The following CD99L2 variants were observed in gnomAD, a reference collection of about 807,000 sequenced individuals.
The protein encoded by CD99L2 is CD99 antigen-like protein 2.
In CD99L2, 24 loss-of-function variants were observed where a neutral mutation model predicts 27.3. The observed-to-expected ratio is 0.88, with a 90% CI of 0.64 to 1.24. The LOEUF is 1.24. CD99L2 is among the 50% of genes most tolerant of loss of function. The probability of loss-of-function intolerance (pLI) is 0.00; values close to 1 mark genes in which losing one functional copy is unlikely to be tolerated. For missense variants in CD99L2, 255 were observed against 221.6 expected (o/e 1.15, Z -0.96); for synonymous variants, 97 against 87.9 (o/e 1.10, Z -0.58).
chrX:150,768,928 C>G lies in CD99L2; in HGVS notation c.*106G>C. On this transcript the variant is annotated 3_prime_UTR_variant, in exon 11 of 11. Transcript: ENST00000370377. ...CGGGAAACTCAGACCAACAAGGAGC[C>G]GATGGCACAGAGCAGCACAGCAGCT... 2.8e-6 allele frequency: 3 copies of G among 1,071,878 alleles called. No individual in the cohort carries two copies. Among genetic ancestry groups the G allele is most frequent in the Non-Finnish European group, 3.6e-6 (3 of 836,715 alleles). The allele number at this position is 1,071,878 out of a possible 1,213,427, so 88.3% of individuals were successfully genotyped here. A position where few individuals can be genotyped will look rare whatever the true frequency, so the allele number is the denominator to read the frequency against.
intron 1 of CD99L2, among the ~76,000 whole-genome samples, chrX:150,875,796 C>T (rs1264605093): frequency 9.3e-6 from 1 of 106,993 alleles, no homozygotes; most frequent in East Asian, 2.8e-4. Context: ...AAAGAGTTTC[C>T]CTGCACAAGC....
At chrX:150,829,522 T>C (rs782158280) in intron 2 of CD99L2, 39 of 328,463 alleles carry the variant, frequency 1.2e-4, no homozygotes, top group South Asian at 9.7e-4. Flanking sequence ...CACCTTGATA[T>C]AGAACTTCTA....
intron 4 of CD99L2, among the ~76,000 whole-genome samples, chrX:150,809,531 T>A (rs2046043840): frequency 8.9e-6 from 1 of 112,523 alleles, no homozygotes; most frequent in Non-Finnish European, 1.9e-5. Flanking sequence ...GTGGTGATAT[T>A]AGCAAACATG....
At chrX:150,866,452 G>A (rs947540536) in intron 1 of CD99L2, among the ~76,000 whole-genome samples, 4 of 111,708 alleles carry the variant, frequency 3.6e-5, no homozygotes, top group Middle Eastern at 4.6e-3. Context: ...GTACAAAAAC[G>A]CTGGGTGCAG....
intron 7 of CD99L2, among the ~76,000 whole-genome samples, chrX:150,787,209 C>T (rs1392025527): frequency 3.6e-5 from 4 of 111,833 alleles, no homozygotes; most frequent in Non-Finnish European, 7.5e-5. Context: ...TGCAGAAGCT[C>T]TTTAGTTTGA....
intron 4 of CD99L2, among the ~76,000 whole-genome samples, chrX:150,806,318 C>T (rs1450803217): frequency 6.3e-5 from 7 of 111,984 alleles, no homozygotes; most frequent in Non-Finnish European, 1.3e-4. Flanking sequence ...TGCAGTGGCA[C>T]GATCATAGCT....
In CD99L2 at chrX:150,824,304, A is replaced by AGAG. The variant is rs782400184; in HGVS notation, c.130+6924_130+6926dup. Reference sequence around the variant, plus strand: ...GGAGGAGAAAGGAAGAAGAAGAAGAAGAGGAGGAGGAGGAGGAGGAGGAGA... The same window carrying AGAG: ...GGAGGAGAAAGGAAGAAGAAGAAGAAGAGGAGGAGGAGGAGGAGGAGGAGGAGA... On this transcript the variant is annotated intron_variant, in intron 2 of 10. Transcript: ENST00000370377. Among the ~76,000 whole-genome samples the AGAG allele has an allele frequency of 9.8e-4, 61 of 62,554 alleles. 2 individuals carry two copies. Among genetic ancestry groups the AGAG allele is most frequent in the East Asian group, 2.7e-3 (5 of 1,874 alleles). The allele number at this position is 62,554 out of a possible 115,157, so 54.3% of individuals were successfully genotyped here.
At chrX:150,898,297 G>C (rs2047650020) in intron 1 of CD99L2, among the ~76,000 whole-genome samples, 1 of 112,167 alleles carries the variant, frequency 8.9e-6, no homozygotes. Flanking sequence ...CCCAGCGTCA[G>C]GAGGGGACCC....
At chrX:150,769,142 C>A in intron 10 of CD99L2, 41 bp from the exon 11 acceptor site, 1 of 1,140,463 alleles carries the variant, frequency 8.8e-7, no homozygotes, top group Non-Finnish European at 1.2e-6. Flanking sequence ...TCTGCTCTGT[C>A]TTGCACAGAA....
chrX:150,825,474 C>T (rs1346008701), intron 2 of CD99L2, among the ~76,000 whole-genome samples: 4 of 112,051 alleles, frequency 3.6e-5, no homozygotes, highest in Admixed American at 2.9e-4. Context: ...GTTCTGGAAA[C>T]GTCTCGTTTC....
At chrX:150,860,149 A>G (rs1557421869) in intron 1 of CD99L2, among the ~76,000 whole-genome samples, 1 of 112,454 alleles carries the variant, frequency 8.9e-6, no homozygotes, top group Non-Finnish European at 1.9e-5. Context: ...TGGAATTTAT[A>G]CCAGGGACAC....
chrX:150,770,041 C>T (rs370628940), intron 10 of CD99L2, among the ~76,000 whole-genome samples: 4 of 112,930 alleles, frequency 3.5e-5, no homozygotes, highest in East Asian at 2.8e-4. Context: ...GGCTCTGGCT[C>T]GGACGGACGA....
chrX:150,837,718 C>A (rs2046555016), intron 1 of CD99L2, among the ~76,000 whole-genome samples: 1 of 111,678 alleles, frequency 9.0e-6, no homozygotes, highest in African/African-American at 3.3e-5. Context: ...GGGTTATAAC[C>A]CCAAGTATAA....
rs147026317 is a variant in CD99L2 at position 150,895,183 on chromosome X, G to A, written c.67+3339C>T. Among the ~76,000 whole-genome samples, 19 of 111,238 alleles carry A rather than the reference G, an allele frequency of 1.7e-4. No homozygotes were observed. The East Asian group carries it at 5.1e-3, about 30-fold the overall frequency. On this transcript the variant is annotated intron_variant, in intron 1 of 10. Coordinates refer to ENST00000370377, the MANE Select transcript of CD99L2 (RefSeq NM_031462.4). The stretch of plus-strand genomic sequence containing the variant: ...GTAATGTGGCGAGGCAGAGGGCCTG[G>A]CATATAGGTGTTCCAGAAATGAAGC...
At chrX:150,821,136 AC>A in intron 2 of CD99L2, among the ~76,000 whole-genome samples, 1 of 111,688 alleles carries the variant, frequency 9.0e-6, no homozygotes. Flanking sequence ...CAAAATACCA[AC>A]TGCCTTTTGT....
intron 1 of CD99L2, among the ~76,000 whole-genome samples, chrX:150,864,972 A>C (rs2047036658): frequency 9.1e-6 from 1 of 110,208 alleles, no homozygotes; most frequent in Non-Finnish European, 1.9e-5. Flanking sequence ...AAGCAGAGGC[A>C]GGAGAATCGC....
At chrX:150,814,320 A>G (rs1334595749) in intron 4 of CD99L2, among the ~76,000 whole-genome samples, 1 of 111,953 alleles carries the variant, frequency 8.9e-6, no homozygotes, top group Non-Finnish European at 1.9e-5. Context: ...ATTATCCACA[A>G]GGATCTGAAA....
At chrX:150,804,986 T>C (rs1365130321) in intron 4 of CD99L2, among the ~76,000 whole-genome samples, 2 of 111,707 alleles carry the variant, frequency 1.8e-5, no homozygotes, top group Non-Finnish European at 3.8e-5. Context: ...ATGAGTTCGA[T>C]ACCAGCCTAG....
chrX:150,806,497 AG>A (rs2045995944), intron 4 of CD99L2, among the ~76,000 whole-genome samples: 1 of 112,414 alleles, frequency 8.9e-6, no homozygotes, highest in Non-Finnish European at 1.9e-5. Flanking sequence ...ATGCAAAAAA[AG>A]GTCTGACATG....
Sources: gnomAD v4.1 joint callset for allele counts (sites outside exome capture counted in the v4.1 genomes callset) on GRCh38, gnomAD v4.1.1 for gene constraint, MANE v1.5 for transcripts, NCBI Gene and HGNC (gene_info 2026-07-23, HGNC 2026-07-21) for gene names.